WWOX: variants seen among roughly 807,000 people sequenced by gnomAD.
WWOX encodes WW domain containing oxidoreductase, also known as WW domain-containing oxidoreductase.
WWOX carries 69 observed loss-of-function variants against 46.2 expected under a neutral mutation model. The observed-to-expected ratio is 1.49, with a 90% CI of 1.23 to 1.82. WWOX has a LOEUF of 1.82. Ranked by LOEUF, WWOX falls within the 40% of genes most tolerant of loss-of-function variation. The pLI, the probability that WWOX is intolerant of heterozygous loss-of-function variation, is 0.00. For synonymous variants in WWOX, 359 were observed against 202.6 expected (o/e 1.77, Z -6.56); for missense variants, 919 against 542.6 (o/e 1.69, Z -6.89).
chr16:78,904,412 T>G (rs1417993157), intron 8 of WWOX, among the ~76,000 whole-genome samples: 1 of 151,936 alleles, frequency 6.6e-6, no homozygotes, highest in Non-Finnish European at 1.5e-5. Context: ...CTAATTTTTG[T>G]ATTTTTAGTA....
intron 8 of WWOX, among the ~76,000 whole-genome samples, chr16:78,942,650 A>G (rs1368923319): frequency 6.6e-6 from 1 of 152,232 alleles, no homozygotes; most frequent in Non-Finnish European, 1.5e-5. Context: ...CACACGTGGC[A>G]TGAAGAGAAA....
intron 8 of WWOX, among the ~76,000 whole-genome samples, chr16:78,530,383 G>A (rs1453227686): frequency 6.6e-6 from 1 of 152,188 alleles, no homozygotes; most frequent in African/African-American, 2.4e-5. Flanking sequence ...GGATTTTATT[G>A]CTGATGAAAG....
chr16:78,645,058 T>C (rs1466990515), intron 8 of WWOX, among the ~76,000 whole-genome samples: 2 of 152,212 alleles, frequency 1.3e-5, no homozygotes, highest in Non-Finnish European at 2.9e-5. Flanking sequence ...TTGCATTGCA[T>C]AGTTAAAGTT....
chr16:78,701,015 T>C (rs998132241), intron 8 of WWOX, among the ~76,000 whole-genome samples: 2 of 152,138 alleles, frequency 1.3e-5, no homozygotes, highest in African/African-American at 2.4e-5. Context: ...TAGGTTTGAA[T>C]CCAGGGTCTG....
chr16:79,070,023 A>G (rs779872540), intron 8 of WWOX, among the ~76,000 whole-genome samples: 8 of 152,218 alleles, frequency 5.3e-5, no homozygotes, highest in Non-Finnish European at 1.0e-4. Flanking sequence ...GTGAAAAACA[A>G]TTTATTTCCT....
chr16:79,088,069 C>CCT (rs1200178269), intron 8 of WWOX, among the ~76,000 whole-genome samples: 1 of 152,118 alleles, frequency 6.6e-6, no homozygotes. Flanking sequence ...CTCTTTGAGC[C>CCT]CTCTGTATAG....
At chr16:78,512,354 T>C (rs137947439) in intron 8 of WWOX, among the ~76,000 whole-genome samples, 1 of 152,338 alleles carries the variant, frequency 6.6e-6, no homozygotes, top group Non-Finnish European at 1.5e-5. Flanking sequence ...CTTTTAAAAG[T>C]ATATTTATTT....
intron 8 of WWOX, among the ~76,000 whole-genome samples, chr16:78,454,466 T>TC (rs769915008): frequency 1.3e-5 from 2 of 151,628 alleles, no homozygotes; most frequent in South Asian, 2.1e-4. Flanking sequence ...CTGTTTTTTT[T>TC]CCCCTAGGTT....
intron 8 of WWOX, among the ~76,000 whole-genome samples, chr16:78,720,355 C>G (rs2048660560): frequency 6.6e-6 from 1 of 152,016 alleles, no homozygotes; most frequent in Non-Finnish European, 1.5e-5. Context: ...AATTATTTTT[C>G]TTTCTTTTCA....
chr16:78,712,613 A>AT (rs1220913992), intron 8 of WWOX, among the ~76,000 whole-genome samples: 1 of 152,124 alleles, frequency 6.6e-6, no homozygotes. Context: ...TCTCAAAGAC[A>AT]TTTTTCTGAG....
intron 8 of WWOX, among the ~76,000 whole-genome samples, chr16:78,584,653 C>T (rs931749356): frequency 2.6e-5 from 4 of 152,168 alleles, no homozygotes; most frequent in African/African-American, 9.7e-5. Flanking sequence ...TATGATACCA[C>T]TTGTGTAAAC....
intron 7 of WWOX, among the ~76,000 whole-genome samples, chr16:78,430,094 A>T (rs1160533005): frequency 6.6e-6 from 1 of 152,202 alleles, no homozygotes; most frequent in East Asian, 1.9e-4. Context: ...ATGGCTGGGG[A>T]GGCCTCACAA....
At chr16:79,169,337 G>T (rs906794643) in intron 8 of WWOX, among the ~76,000 whole-genome samples, 4 of 152,170 alleles carry the variant, frequency 2.6e-5, no homozygotes, top group African/African-American at 9.7e-5. Flanking sequence ...GCCCCAGAGG[G>T]CCATGACTGC....
intron 8 of WWOX, among the ~76,000 whole-genome samples, chr16:78,936,473 G>C (rs543416708): frequency 3.3e-5 from 5 of 151,990 alleles, no homozygotes; most frequent in Non-Finnish European, 5.9e-5. Flanking sequence ...GAATAAATAG[G>C]TACATAAGTG....
intron 8 of WWOX, among the ~76,000 whole-genome samples, chr16:78,731,590 G>A (rs772005386): frequency 6.6e-6 from 1 of 151,560 alleles, no homozygotes; most frequent in Admixed American, 6.6e-5. Context: ...GGCTTTTTCG[G>A]TTGTGAAGAT....
chr16:78,505,439 CTG>C (rs557451869), intron 8 of WWOX, among the ~76,000 whole-genome samples: 134 of 152,268 alleles, frequency 8.8e-4, no homozygotes, highest in African/African-American at 3.1e-3. Context: ...GAAAGCCAAT[CTG>C]TTTCTCCCTG....
intron 8 of WWOX, among the ~76,000 whole-genome samples, chr16:78,840,017 G>A (rs1017039570): frequency 3.9e-5 from 6 of 152,072 alleles, no homozygotes; most frequent in Non-Finnish European, 5.9e-5. Context: ...CAGTTTCTTC[G>A]TCTTTGAGTA....
intron 8 of WWOX, among the ~76,000 whole-genome samples, chr16:79,066,049 G>A (rs1276045041): frequency 6.6e-6 from 1 of 152,196 alleles, no homozygotes; most frequent in Non-Finnish European, 1.5e-5. Flanking sequence ...GATCTGTGGA[G>A]CCTTTGATAA....
intron 8 of WWOX, among the ~76,000 whole-genome samples, chr16:78,586,137 G>T (rs1013590357): frequency 6.6e-6 from 1 of 152,086 alleles, no homozygotes. Context: ...TGGGAGGATT[G>T]TTTGAGCCCC....
Sources: allele counts gnomAD v4.1 joint callset (sites outside exome capture counted in the v4.1 genomes callset), GRCh38; gene constraint gnomAD v4.1.1; transcripts MANE v1.5; gene names NCBI Gene and HGNC (gene_info 2026-07-23, HGNC 2026-07-21).